Variants in PRKN observed in about 807,000 individuals in gnomAD.
The protein encoded by PRKN is E3 ubiquitin-protein ligase parkin.
PRKN carries 56 observed loss-of-function variants against 59.5 expected under a neutral mutation model. That is an observed-to-expected ratio of 0.94 (90% confidence interval 0.76 to 1.18). The LOEUF (loss-of-function observed/expected upper bound fraction) is 1.18, where lower values mean the gene tolerates loss of function less well. Ranked by LOEUF, PRKN falls within the 50% of genes most tolerant of loss-of-function variation. The probability of loss-of-function intolerance (pLI) is 0.00; values close to 1 mark genes in which losing one functional copy is unlikely to be tolerated. For missense variants in PRKN, 657 were observed against 596.4 expected (o/e 1.10, Z -1.06); for synonymous variants, 250 against 222.1 (o/e 1.13, Z -1.12).
chr6:162,328,348 GA>G (rs1307789708), intron 2 of PRKN, among the ~76,000 whole-genome samples: 1 of 152,146 alleles, frequency 6.6e-6, no homozygotes, highest in Non-Finnish European at 1.5e-5. Context: ...CCTGGCAACA[GA>G]GTGAGATTCC....
At chr6:162,558,853 G>C (rs9458593) in intron 1 of PRKN, among the ~76,000 whole-genome samples, 27,813 of 151,708 alleles carry the variant, frequency 0.18, 3,201 homozygotes, top group East Asian at 0.49. Context: ...TGTTGCCCAG[G>C]CTGGTCTCAA....
At chr6:162,432,484 C>T (rs996707585) in intron 2 of PRKN, among the ~76,000 whole-genome samples, 10 of 152,114 alleles carry the variant, frequency 6.6e-5, no homozygotes, top group African/African-American at 2.4e-4. Flanking sequence ...TGAGTTCACA[C>T]CACTGCACCC....
chr6:162,387,902 C>A (rs1165048527), intron 2 of PRKN, among the ~76,000 whole-genome samples: 1 of 152,196 alleles, frequency 6.6e-6, no homozygotes, highest in African/African-American at 2.4e-5. Context: ...CTCCAACCAG[C>A]GCTGTCTGTG....
At chr6:161,384,407 G>A (rs1786137675) in intron 10 of PRKN, among the ~76,000 whole-genome samples, 1 of 151,892 alleles carries the variant, frequency 6.6e-6, no homozygotes, top group South Asian at 2.1e-4. Context: ...GCCTGGTGTG[G>A]TGGCATGTGC....
chr6:161,777,138 C>T (rs79914413), intron 7 of PRKN, among the ~76,000 whole-genome samples: 5,918 of 152,166 alleles, frequency 0.039, 379 homozygotes, highest in African/African-American at 0.13. Context: ...AGAAGAATAA[C>T]AACATCCATC....
chr6:162,264,658 G>A (rs910337565), intron 2 of PRKN: 3 of 152,472 alleles, frequency 2.0e-5, no homozygotes, highest in African/African-American at 4.8e-5. Context: ...AGAGCTCCCA[G>A]TCTCTCCCTA....
intron 2 of PRKN, among the ~76,000 whole-genome samples, chr6:162,397,016 A>G (rs1303824920): frequency 6.6e-6 from 1 of 152,152 alleles, no homozygotes; most frequent in Non-Finnish European, 1.5e-5. Context: ...GTGGTGTTGG[A>G]GATAGTATGC....
At position 161,360,856 on chromosome 6, in the gene PRKN, G is replaced by A. The variant is rs527972528; in HGVS notation, c.1168-651C>T. Among the ~76,000 whole-genome samples, 2 of 151,946 alleles carry A rather than the reference G, an allele frequency of 1.3e-5. No homozygotes were observed. The highest frequency in any genetic ancestry group is 2.1e-4 in the South Asian group (1 of 4,812). ...GTTCAAATCCCAGCTCTACCCAGAC[G>A]GGTGACTCTGGAAACATTCCCTAAG... On this transcript the variant is annotated intron_variant, in intron 10 of 11. Transcript: ENST00000366898. The surrounding 1 kb of genome is among the most constrained non-coding windows in gnomAD (Gnocchi z 5.1).
chr6:162,360,114 C>A (rs551149114), intron 2 of PRKN, among the ~76,000 whole-genome samples: 1 of 150,918 alleles, frequency 6.6e-6, no homozygotes, highest in Non-Finnish European at 1.5e-5. Context: ...GGTGTGGGTG[C>A]GGGTGTGGGT....
chr6:162,039,586 C>T (rs1469958047), intron 5 of PRKN, among the ~76,000 whole-genome samples: 4 of 152,230 alleles, frequency 2.6e-5, no homozygotes, highest in South Asian at 2.1e-4. Context: ...TGAGTGGCAG[C>T]GGCCTCAGGC....
At chr6:162,704,324 G>A (rs1778263981) in intron 1 of PRKN, among the ~76,000 whole-genome samples, 1 of 152,090 alleles carries the variant, frequency 6.6e-6, no homozygotes, top group Non-Finnish European at 1.5e-5. Context: ...CTCTGTGCTG[G>A]CACTCCTCCC....
intron 6 of PRKN, among the ~76,000 whole-genome samples, chr6:161,919,357 G>T (rs1778694167): frequency 6.6e-6 from 1 of 152,216 alleles, no homozygotes; most frequent in Non-Finnish European, 1.5e-5. Flanking sequence ...CTGAAGGTGG[G>T]AGTGAGGATG....
intron 7 of PRKN, among the ~76,000 whole-genome samples, chr6:161,630,857 A>G (rs1432621482): frequency 6.6e-6 from 1 of 152,258 alleles, no homozygotes; most frequent in South Asian, 2.1e-4. Flanking sequence ...CACTTGGGAA[A>G]GAACCACATG....
intron 5 of PRKN, among the ~76,000 whole-genome samples, chr6:162,052,555 T>C (rs1777684933): frequency 2.0e-5 from 3 of 152,190 alleles, no homozygotes; most frequent in Non-Finnish European, 2.9e-5. Context: ...CCTTTGAAAG[T>C]ACAGGGCTCC....
chr6:162,501,652 G>A (rs1462482546), intron 1 of PRKN, among the ~76,000 whole-genome samples: 2 of 151,818 alleles, frequency 1.3e-5, no homozygotes, highest in Admixed American at 6.6e-5. Flanking sequence ...CACCGCGCCC[G>A]GCCATGCTCC....
At chr6:162,344,020 G>C (rs933069304) in intron 2 of PRKN, among the ~76,000 whole-genome samples, 1 of 152,120 alleles carries the variant, frequency 6.6e-6, no homozygotes, top group African/African-American at 2.4e-5. Context: ...AGAGCTATGC[G>C]GAAAAGAATT....
intron 2 of PRKN, among the ~76,000 whole-genome samples, chr6:162,299,331 C>T (rs1443040467): frequency 6.6e-6 from 1 of 152,134 alleles, no homozygotes; most frequent in African/African-American, 2.4e-5. Flanking sequence ...ATCTGAAACG[C>T]TTGAGTGTCT....
intron 9 of PRKN, among the ~76,000 whole-genome samples, chr6:161,504,602 A>C (rs1365580220): frequency 2.6e-5 from 4 of 151,658 alleles, no homozygotes; most frequent in Non-Finnish European, 4.4e-5. Flanking sequence ...TATACATGTG[A>C]CATGCTGGTG....
chr6:161,570,180 C>T (rs147881116), intron 7 of PRKN, among the ~76,000 whole-genome samples: 1,964 of 122,708 alleles, frequency 0.016, 50 homozygotes, highest in African/African-American at 0.058. Context: ...CACACATACA[C>T]ACACAATTAA....
Sources: gnomAD v4.1 joint callset for allele counts (sites outside exome capture counted in the v4.1 genomes callset) on GRCh38, gnomAD v4.1.1 for gene constraint, Gnocchi (gnomAD v3.1) non-coding constraint, MANE v1.5 for transcripts, NCBI Gene and HGNC (gene_info 2026-07-23, HGNC 2026-07-21) for gene names.